The following PTPRN2 variants were observed in gnomAD, a reference collection of about 807,000 sequenced individuals.
PTPRN2 encodes protein tyrosine phosphatase receptor type N2, also known as receptor-type tyrosine-protein phosphatase N2.
PTPRN2 carries 74 observed loss-of-function variants against 118.8 expected under a neutral mutation model. The ratio of observed to expected loss-of-function variants is 0.62; its 90% confidence interval spans 0.52 to 0.76. PTPRN2 has a LOEUF of 0.76. PTPRN2 is among the 30% of genes least tolerant of loss of function. PTPRN2 has a pLI of 0.00. For missense variants in PTPRN2, 1,481 were observed against 1,394.4 expected (o/e 1.06, Z -0.99); for synonymous variants, 641 against 608.0 (o/e 1.05, Z -0.80).
intron 12 of PTPRN2, among the ~76,000 whole-genome samples, chr7:157,792,128 A>T (rs1348561082): frequency 1.3e-5 from 2 of 152,196 alleles, no homozygotes; most frequent in African/African-American, 2.4e-5. Context: ...CTCCCCGTTC[A>T]TGCCGCTCAA....
chr7:158,335,500 C>T (rs1385168561), intron 2 of PTPRN2, among the ~76,000 whole-genome samples: 2 of 53,628 alleles, frequency 3.7e-5, no homozygotes, highest in African/African-American at 1.4e-4. Context: ...GCAGACGTCA[C>T]TCACACCCAC....
chr7:157,916,244 C>A (rs1798386551), intron 11 of PTPRN2, among the ~76,000 whole-genome samples: 1 of 152,222 alleles, frequency 6.6e-6, no homozygotes, highest in African/African-American at 2.4e-5. Context: ...ATCTCTAACC[C>A]TCCTGGCAGC....
At chr7:157,738,274 C>T (rs922254471) in intron 12 of PTPRN2, among the ~76,000 whole-genome samples, 4 of 152,106 alleles carry the variant, frequency 2.6e-5, no homozygotes, top group Non-Finnish European at 5.9e-5. Context: ...CGTCTGAATT[C>T]GACATCTCTC....
intron 21 of PTPRN2, among the ~76,000 whole-genome samples, chr7:157,558,779 C>T (rs1317165051): frequency 3.3e-5 from 5 of 152,226 alleles, no homozygotes; most frequent in African/African-American, 1.2e-4. Flanking sequence ...GGCTCTCCTC[C>T]CCCTTGCTCC....
chr7:158,167,435 C>G, intron 5 of PTPRN2, 144 bp from the exon 6 acceptor site: 1 of 1,092,598 alleles, frequency 9.2e-7, no homozygotes, highest in Non-Finnish European at 1.3e-6. Context: ...GTTCAAGGTC[C>G]TAAACAGCCC....
At chr7:157,851,678 TC>T (rs1164536650) in intron 12 of PTPRN2, among the ~76,000 whole-genome samples, 2 of 152,190 alleles carry the variant, frequency 1.3e-5, no homozygotes, top group Non-Finnish European at 2.9e-5. Flanking sequence ...TTTTCTGCTC[TC>T]CACATTTGAA....
intron 6 of PTPRN2, among the ~76,000 whole-genome samples, chr7:158,149,017 T>A (rs555097301): frequency 6.8e-5 from 9 of 131,666 alleles, no homozygotes; most frequent in Non-Finnish European, 1.1e-4. Context: ...TGACATCCCA[T>A]CTCACGCCAC....
intron 10 of PTPRN2, among the ~76,000 whole-genome samples, chr7:158,106,073 C>G (rs1815660130): frequency 6.6e-6 from 1 of 152,084 alleles, no homozygotes; most frequent in Non-Finnish European, 1.5e-5. Context: ...CCATTCAGCT[C>G]TATCCTAGAT....
chr7:158,512,599 A>G (rs889051335), intron 1 of PTPRN2, among the ~76,000 whole-genome samples: 1 of 152,170 alleles, frequency 6.6e-6, no homozygotes, highest in African/African-American at 2.4e-5. Flanking sequence ...CCGTCAGCTG[A>G]CATGTCCTAC....
intron 10 of PTPRN2, among the ~76,000 whole-genome samples, chr7:158,109,387 G>A (rs1017275909): frequency 6.6e-6 from 1 of 151,368 alleles, no homozygotes; most frequent in South Asian, 2.1e-4. Context: ...CTGTGTGAAG[G>A]AGACAGTGAG....
At chr7:158,311,621 C>A (rs146408957) in intron 3 of PTPRN2, among the ~76,000 whole-genome samples, 1,749 of 152,340 alleles carry the variant, frequency 0.011, 43 homozygotes, top group African/African-American at 0.038. Flanking sequence ...CATTTACCCT[C>A]CTCTTCGTGC....
chr7:157,716,249 A>T (rs76501205), intron 12 of PTPRN2, among the ~76,000 whole-genome samples: 38,316 of 101,050 alleles, frequency 0.38, 11,420 homozygotes, highest in African/African-American at 0.55. Flanking sequence ...CATGGCCACG[A>T]AGACTCTGCG....
In PTPRN2 at chr7:157,994,560, C is replaced by CATCCCCA. The variant is rs1357091266; in HGVS notation, c.1723+86737_1723+86738insTGGGGAT. Among the ~76,000 whole-genome samples, 949 of 141,184 alleles carry CATCCCCA rather than the reference C, an allele frequency of 6.7e-3. 54 individuals carry two copies. The highest frequency in any genetic ancestry group is 9.1e-3 in the Non-Finnish European group (590 of 65,188). The allele number at this position is 141,184 out of a possible 152,430, so 92.6% of individuals were successfully genotyped here. A position where few individuals can be genotyped will look rare whatever the true frequency, so the allele number is the denominator to read the frequency against. ...CTCCTTGTTCCTAAAATCAGCACCG[C>CATCCCCA]GTCCCCAGCTTACAACTCCTTGTTC... On this transcript the variant is annotated intron_variant, in intron 11 of 22. Coordinates refer to ENST00000389418, the MANE Select transcript of PTPRN2 (RefSeq NM_002847.5).
chr7:157,628,587 G>A (rs1381049110), intron 14 of PTPRN2, among the ~76,000 whole-genome samples: 2 of 152,226 alleles, frequency 1.3e-5, no homozygotes, highest in African/African-American at 2.4e-5. Flanking sequence ...GGCAAGTCAG[G>A]CCATCTGACT....
In PTPRN2 at chr7:157,868,462, C is replaced by T. The variant is rs1437075290; in HGVS notation, c.1788+30211G>A. ...GGATTAAAACCATGCCTGGAGGAAA[C>T]TGGCCTTGTGAGTGTCAGGGCTGCG... On this transcript the variant is annotated intron_variant, in intron 12 of 22. Coordinates refer to ENST00000389418, the MANE Select transcript of PTPRN2 (RefSeq NM_002847.5). This position sits in a 1 kb window ranked among gnomAD's most constrained non-coding sequence, Gnocchi z 5.2. 1.3e-5 allele frequency: 2 copies of T among 152,296 alleles called. No homozygotes were observed. Among genetic ancestry groups the T allele is most frequent in the Non-Finnish European group, 2.9e-5 (2 of 68,090 alleles). 9.4% of individuals were successfully genotyped at this position (152,296 alleles called of 1,614,324 possible).
chr7:158,414,053 G>A (rs1489399140), intron 2 of PTPRN2, among the ~76,000 whole-genome samples: 2 of 125,222 alleles, frequency 1.6e-5, no homozygotes, highest in Non-Finnish European at 3.2e-5. Flanking sequence ...GGGTGACAGA[G>A]ACAGCCTCTA....
chr7:158,038,206 AC>A (rs1259070068), intron 11 of PTPRN2, among the ~76,000 whole-genome samples: 2 of 152,254 alleles, frequency 1.3e-5, no homozygotes, highest in Admixed American at 1.3e-4. Context: ...AGACTGACAA[AC>A]AGAACCAGTG....
intron 3 of PTPRN2, among the ~76,000 whole-genome samples, chr7:158,273,804 CA>C (rs1305407346): frequency 1.3e-3 from 75 of 59,110 alleles, no homozygotes; most frequent in African/African-American, 3.7e-3. Flanking sequence ...GCCGCAGACA[CA>C]GGGGGAGCCG....
At chr7:158,354,930 C>T (rs1808271793) in intron 2 of PTPRN2, among the ~76,000 whole-genome samples, 1 of 151,904 alleles carries the variant, frequency 6.6e-6, no homozygotes, top group Admixed American at 6.6e-5. Context: ...AAGCAAATAA[C>T]ATCTAAAGGA....
Sources: allele counts gnomAD v4.1 joint callset (sites outside exome capture counted in the v4.1 genomes callset), GRCh38; gene constraint gnomAD v4.1.1; non-coding constraint Gnocchi (gnomAD v3.1); transcripts MANE v1.5; gene names NCBI Gene and HGNC (gene_info 2026-07-23, HGNC 2026-07-21).